The following RIBC2 variants were observed in gnomAD, a reference collection of about 807,000 sequenced individuals.
RIBC2 encodes the protein RIB43A-like with coiled-coils protein 2.
A neutral mutation model predicts 44.3 loss-of-function variants in RIBC2; 40 were observed. That is an observed-to-expected ratio of 0.90 (90% confidence interval 0.70 to 1.18). The LOEUF (loss-of-function observed/expected upper bound fraction) is 1.18. RIBC2 is among the 50% of genes most tolerant of loss of function. The pLI is 0.00. For synonymous variants in RIBC2, 171 were observed against 175.0 expected (o/e 0.98, Z 0.18); for missense variants, 459 against 485.5 (o/e 0.95, Z 0.51).
Position 45,430,917 on chromosome 22 carries a change from G to T in RIBC2, c.921G>T (p.Lys307Asn). The T allele has an allele frequency of 6.3e-7, 1 of 1,595,764 alleles. No homozygotes were observed. The highest frequency in any genetic ancestry group is 1.1e-5 in the South Asian group (1 of 89,218). Residue 307 changes from lysine to asparagine, a missense_variant, in exon 6 of 7, where the codon AAG becomes AAT. Transcript: ENST00000614167. ...IQEKLRLQEE[K>N]RQRDLDWDRR... The stretch of plus-strand genomic sequence containing the variant: ...CCTTCCAGAGGCTCCAGGAAGAAAA[G>T]CGCCAGCGAGACCTGGACTGGGACC...
chr22:45,425,638 G>T (rs111585182), intron 4 of RIBC2, among the ~76,000 whole-genome samples: 6,710 of 152,280 alleles, frequency 0.044, 234 homozygotes, highest in Non-Finnish European at 0.065. Context: ...CCAGGCCCAC[G>T]CGGGGTGTCG....
In RIBC2 at chr22:45,413,796, G is replaced by A; in HGVS notation, c.-91G>A. The A allele has an allele frequency of 2.1e-6, 3 of 1,456,978 alleles. No homozygotes were observed. The highest frequency in any genetic ancestry group is 1.4e-5 in the South Asian group (1 of 69,740). The allele number at this position is 1,456,978 out of a possible 1,614,324, so 90.3% of individuals were successfully genotyped here. A position where few individuals can be genotyped will look rare whatever the true frequency, so the allele number is the denominator to read the frequency against. ...AGGCTTGTCTTTCCCCTGCCCGACC[G>A]AAGGAGCCGACCTTGCCTGCGCTAC... On this transcript the variant is annotated 5_prime_UTR_variant, in exon 1 of 7. Transcript: ENST00000614167.
At position 45,425,979 on chromosome 22, in the gene RIBC2, A is replaced by G; in HGVS notation, c.707A>G (p.Glu236Gly). Reference sequence around the variant, plus strand: ...GAGTCAGTGGAAAGGAAAAAGCAAGAGAAAAAGCAAGAACAAGAGGACAAC... The same window carrying G: ...GAGTCAGTGGAAAGGAAAAAGCAAGGGAAAAAGCAAGAACAAGAGGACAAC... ...AIESVERKKQ[E>G]KKQEQEDNLA... Residue 236 changes from glutamate (E) to glycine (G), a missense_variant, in exon 5 of 7, where the codon GAG (glutamate) becomes GGG (glycine). Glu to Gly is a moderately conservative substitution (Grantham distance 98). Transcript: ENST00000614167. The G allele has an allele frequency of 6.2e-7, 1 of 1,614,010 alleles. No individual in the cohort carries two copies. Among genetic ancestry groups the G allele is most frequent in the Non-Finnish European group, 8.5e-7 (1 of 1,179,986 alleles).
At chr22:45,415,199 G>GA (rs10587079) in intron 2 of RIBC2, among the ~76,000 whole-genome samples, 16,666 of 126,566 alleles carry the variant, frequency 0.13, 1,371 homozygotes, top group East Asian at 0.3. Flanking sequence ...AAAATAAATT[G>GA]AAAAAAAAAA....
In RIBC2 at chr22:45,422,273, T is replaced by A. The variant is rs376363551; in HGVS notation, c.557-17T>A. 5 of 1,597,906 alleles carry A rather than the reference T, an allele frequency of 3.1e-6. No homozygotes were observed. Among genetic ancestry groups the A allele is most frequent in the African/African-American group, 1.3e-5 (1 of 74,572 alleles). ...CCTGTGGCCAGGTCGATCTGATTGC[T>A]TCTTGCCTCCTTTCAGAGGCCCTCT... is the stretch of plus-strand genomic sequence containing the variant. On this transcript the variant is annotated splice_polypyrimidine_tract_variant and intron_variant, in intron 3 of 6. Transcript: ENST00000614167.
intron 2 of RIBC2, 127 bp from the exon 3 acceptor site, chr22:45,417,475 A>T (rs1602111499): frequency 5.8e-6 from 4 of 689,760 alleles, no homozygotes; most frequent in South Asian, 4.7e-5. Flanking sequence ...GTTGGAGGCC[A>T]GGAGACCAGC....
At chr22:45,418,034 A>ATT in intron 3 of RIBC2, 88 bp downstream of exon 3, 2 of 842,416 alleles carry the variant, frequency 2.4e-6, no homozygotes, top group African/African-American at 1.7e-5. Context: ...GCAACCCTAC[A>ATT]GTTTTTTTTT....
chr22:45,422,737 C>T (rs1336203693), intron 4 of RIBC2, among the ~76,000 whole-genome samples: 6 of 152,220 alleles, frequency 3.9e-5, no homozygotes, highest in African/African-American at 1.2e-4. Flanking sequence ...AGCTCTGCTC[C>T]ACTGCCTGGT....
At chr22:45,429,399 G>T (rs1401412850) in intron 5 of RIBC2, among the ~76,000 whole-genome samples, 3 of 152,200 alleles carry the variant, frequency 2.0e-5, no homozygotes, top group African/African-American at 7.2e-5. Context: ...TGGCAGGAGA[G>T]ATCTGGAGAG....
Position 45,430,927 on chromosome 22 carries a change from G to A in RIBC2, c.931G>A (p.Asp311Asn), listed in dbSNP as rs1190144904. The change falls in exon 6 of 7, where the codon GAC (aspartate) becomes AAC (asparagine). Residue 311 changes from aspartate (D) to asparagine (N), a missense_variant. By Grantham distance (23) the Asp-to-Asn change is conservative. Coordinates refer to ENST00000614167, the MANE Select transcript of RIBC2 (RefSeq NM_015653.5). ...LRLQEEKRQR[D>N]LDWDRRRIQG... The stretch of plus-strand genomic sequence containing the variant: ...GCTCCAGGAAGAAAAGCGCCAGCGA[G>A]ACCTGGACTGGGACCGGCGGAGGAT... 4 of 1,605,934 alleles carry A rather than the reference G, an allele frequency of 2.5e-6. No individual in the cohort carries two copies. In the Admixed American group the frequency reaches 6.8e-5, roughly 27 times the overall value.
intron 4 of RIBC2, 48 bp downstream of exon 4, chr22:45,422,456 A>G (rs2087495360): frequency 7.4e-7 from 1 of 1,345,442 alleles, no homozygotes; most frequent in Non-Finnish European, 1.1e-6. Flanking sequence ...GGGGAGGATG[A>G]GCCCACTACG....
rs1431293132 is a variant in RIBC2 at position 45,421,499 on chromosome 22, TTAA to T, written c.557-785_557-783del. Among the ~76,000 whole-genome samples the T allele has an allele frequency of 3.9e-3, 136 of 35,152 alleles. 1 individual carries two copies. In the African/African-American group the frequency reaches 0.062, roughly 16 times the overall value. The allele number at this position is 35,152 out of a possible 152,430, so 23.1% of individuals were successfully genotyped here. The stretch of plus-strand genomic sequence containing the variant: ...TTGGATGTCTAATTAATTATTATTA[TTAA>T]TAATAGTATTATTAATAATAATAAT... On this transcript the variant is annotated intron_variant, in intron 3 of 6. Transcript: ENST00000614167.
At chr22:45,419,130 G>A (rs915184061) in intron 3 of RIBC2, among the ~76,000 whole-genome samples, 4 of 152,172 alleles carry the variant, frequency 2.6e-5, no homozygotes, top group Non-Finnish European at 5.9e-5. Flanking sequence ...GATCTTGTCC[G>A]GTCTCATGGC....
At position 45,413,743 on chromosome 22, in the gene RIBC2, C is replaced by G. The variant is rs2272804; in HGVS notation, c.-144C>G. 9 of 1,268,770 alleles carry G rather than the reference C, an allele frequency of 7.1e-6. No individual in the cohort carries two copies. Among genetic ancestry groups the G allele is most frequent in the Non-Finnish European group, 8.6e-6 (8 of 927,254 alleles). The allele number at this position is 1,268,770 out of a possible 1,614,324, so 78.6% of individuals were successfully genotyped here. ...GAGCGTCTGTACCTCTGCGGCGTCA[C>G]TGGGAGCCCGACGGAAAACTGCGCT... On this transcript the variant is annotated 5_prime_UTR_variant, in exon 1 of 7. Coordinates refer to ENST00000614167, the MANE Select transcript of RIBC2 (RefSeq NM_015653.5).
At chr22:45,424,753 CTTTTTT>C (rs3071820) in intron 4 of RIBC2, among the ~76,000 whole-genome samples, 13 of 124,376 alleles carry the variant, frequency 1.0e-4, no homozygotes, top group South Asian at 2.6e-4. Flanking sequence ...TTTCTTTTTT[CTTTTTT>C]TTTTTTTTTT....
At position 45,414,407 on chromosome 22, in the gene RIBC2, A is replaced by G; in HGVS notation, c.211+4A>G. 3 of 1,543,648 alleles carry G rather than the reference A, an allele frequency of 1.9e-6. No homozygotes were observed. Among genetic ancestry groups the G allele is most frequent in the Non-Finnish European group, 2.6e-6 (3 of 1,140,786 alleles). The stretch of plus-strand genomic sequence containing the variant: ...AAAGCTAGACATGAAACCTTTGGTG[A>G]GCATTTCCTGAATGCTTATCTATTG... On this transcript the variant is annotated splice_donor_region_variant and intron_variant, in intron 2 of 6. Coordinates refer to ENST00000614167, the MANE Select transcript of RIBC2 (RefSeq NM_015653.5).
Position 45,417,962 on chromosome 22 carries a change from A to T in RIBC2, c.556+16A>T. 1 of 1,531,282 alleles carries T rather than the reference A, an allele frequency of 6.5e-7. No homozygotes were observed. Among genetic ancestry groups the T allele is most frequent in the South Asian group, 1.2e-5 (1 of 82,602 alleles). The allele number at this position is 1,531,282 out of a possible 1,614,324, so 94.9% of individuals were successfully genotyped here. ...AAATGCGCAGGTAATGAAACAGAAG[A>T]GACGAGCTGGTCTCAACGCTCTCTT... is the stretch of plus-strand genomic sequence containing the variant. On this transcript the variant is annotated intron_variant, in intron 3 of 6. Coordinates refer to ENST00000614167, the MANE Select transcript of RIBC2 (RefSeq NM_015653.5).
At chr22:45,428,815 A>G (rs533420704) in intron 5 of RIBC2, among the ~76,000 whole-genome samples, 1 of 152,292 alleles carries the variant, frequency 6.6e-6, no homozygotes, top group East Asian at 1.9e-4. Flanking sequence ...TCATAGTCAG[A>G]TGACTGGGTC....
chr22:45,417,893 C>A lies in RIBC2; in HGVS notation c.503C>A (p.Ser168Tyr), dbSNP rs143516184. The change falls in exon 3 of 7, where the codon TCT (serine) becomes TAT (tyrosine). Residue 168 changes from serine (S) to tyrosine (Y), a missense_variant. Coordinates refer to ENST00000614167, the MANE Select transcript of RIBC2 (RefSeq NM_015653.5). ...CAAGAGGAACAAAACAGAGAATGGT[C>A]TTTGCAGCAGCAAAGGGAATGGAAG... is the stretch of plus-strand genomic sequence containing the variant. ...KFQEEQNREW[S>Y]LQQQREWKNA... is the part of the protein sequence containing the mutation. 33 of 1,613,528 alleles carry A rather than the reference C, an allele frequency of 2.0e-5. No homozygotes were observed. Among genetic ancestry groups the A allele is most frequent in the Non-Finnish European group, 2.7e-5 (32 of 1,179,852 alleles).
Sources: gnomAD v4.1 joint callset for allele counts (sites outside exome capture counted in the v4.1 genomes callset) on GRCh38, gnomAD v4.1.1 for gene constraint, MANE v1.5 for transcripts, NCBI Gene and HGNC (gene_info 2026-07-23, HGNC 2026-07-21) for gene names.